BRD4: variants seen among roughly 807,000 people sequenced by gnomAD.
BRD4 encodes bromodomain-containing protein 4.
A neutral mutation model predicts 142.1 loss-of-function variants in BRD4; 16 were observed. The ratio of observed to expected loss-of-function variants is 0.11; its 90% CI spans 0.08 to 0.17. BRD4 has a LOEUF of 0.17. Ranked by LOEUF, BRD4 falls within the 10% of genes least tolerant of loss-of-function variation. The pLI, the probability that BRD4 is intolerant of heterozygous loss-of-function variation, is 1.00. For synonymous variants in BRD4, 833 were observed against 707.5 expected, an observed-to-expected ratio of 1.18 and a Z score of -2.82; for missense variants, 1,424 against 1,810.9, an observed-to-expected ratio of 0.79 and a Z score of 3.88.
intron 7 of BRD4, among the ~76,000 whole-genome samples, chr19:15,260,049 C>T (rs1319219297): frequency 1.3e-5 from 2 of 152,184 alleles, no homozygotes; most frequent in African/African-American, 4.8e-5. Context: ...TCTCTTGAGA[C>T]CCAGCTGAGG....
At chr19:15,276,731 G>C (rs1360667394) in intron 1 of BRD4, among the ~76,000 whole-genome samples, 1 of 152,192 alleles carries the variant, frequency 6.6e-6, no homozygotes. Flanking sequence ...CTCTCACATG[G>C]ATAATGTGGA....
At chr19:15,326,833 A>ACCATAAAC (rs2048112385) in intron 1 of BRD4, among the ~76,000 whole-genome samples, 1 of 152,196 alleles carries the variant, frequency 6.6e-6, no homozygotes, top group Non-Finnish European at 1.5e-5. Flanking sequence ...TTATGCTAGG[A>ACCATAAAC]CATGTGCACG....
intron 1 of BRD4, among the ~76,000 whole-genome samples, chr19:15,294,835 G>C (rs1000542994): frequency 2.6e-5 from 4 of 152,194 alleles, no homozygotes; most frequent in African/African-American, 9.7e-5. Flanking sequence ...CTGGAGCCCT[G>C]TGCAGTGAAG....
intron 1 of BRD4, among the ~76,000 whole-genome samples, chr19:15,331,039 CG>C (rs1474674450): frequency 3.3e-5 from 5 of 152,090 alleles, no homozygotes; most frequent in African/African-American, 1.2e-4. Flanking sequence ...TTCCAATTCT[CG>C]TGAGGCATAC....
At chr19:15,331,451 C>A (rs2048157408) in intron 1 of BRD4, among the ~76,000 whole-genome samples, 1 of 152,206 alleles carries the variant, frequency 6.6e-6, no homozygotes, top group Non-Finnish European at 1.5e-5. Flanking sequence ...TAAAATAGGC[C>A]GTTGCAAGGA....
At chr19:15,331,378 C>T (rs1430235644) in intron 1 of BRD4, among the ~76,000 whole-genome samples, 1 of 152,206 alleles carries the variant, frequency 6.6e-6, no homozygotes, top group East Asian at 1.9e-4. Flanking sequence ...TTCGCTGAAT[C>T]ACAACTCCCC....
chr19:15,289,552 AAAATAAATAAAT>A (rs528874161), intron 1 of BRD4, among the ~76,000 whole-genome samples: 1 of 152,094 alleles, frequency 6.6e-6, no homozygotes, highest in African/African-American at 2.4e-5. Context: ...ACTCCATCTT[AAAATAAATAAAT>A]AAATAAATAA....
intron 1 of BRD4, among the ~76,000 whole-genome samples, chr19:15,314,204 C>G (rs2047997643): frequency 6.6e-6 from 1 of 152,150 alleles, no homozygotes; most frequent in African/African-American, 2.4e-5. Flanking sequence ...CTCCCAAAAC[C>G]CTGCTCACAA....
At chr19:15,325,513 T>A (rs1196574390) in intron 1 of BRD4, among the ~76,000 whole-genome samples, 2 of 152,054 alleles carry the variant, frequency 1.3e-5, no homozygotes, top group Admixed American at 6.6e-5. Flanking sequence ...CACTTCTACT[T>A]CTCACCACAT....
intron 1 of BRD4, among the ~76,000 whole-genome samples, chr19:15,285,331 G>C (rs888053417): frequency 6.6e-6 from 1 of 152,220 alleles, no homozygotes; most frequent in African/African-American, 2.4e-5. Context: ...ATCTGATTAA[G>C]TTCAGGAGTT....
chr19:15,250,774 A>G (rs1283845800), intron 11 of BRD4, among the ~76,000 whole-genome samples: 1 of 152,174 alleles, frequency 6.6e-6, no homozygotes, highest in Admixed American at 6.5e-5. Flanking sequence ...TGACAAGTGA[A>G]AGCTAGAAGA....
intron 11 of BRD4, chr19:15,249,389 G>A: frequency 6.3e-7 from 1 of 1,595,864 alleles, no homozygotes; most frequent in Non-Finnish European, 8.5e-7. Context: ...CCAACCTCCT[G>A]CGCCCTGGTG....
chr19:15,239,015 T>C lies in BRD4; in HGVS notation c.3783-35A>G, dbSNP rs1389868314. 6.3e-7 allele frequency: 1 copy of C among 1,577,454 alleles called. No homozygotes were observed. The highest frequency in any genetic ancestry group is 1.1e-5 in the South Asian group (1 of 88,306). ...GGGTCCCAGTCAGCCTGGGGACTGG[T>C]GTGGCCCCAAGAGTCCCCATGCCCC... is the stretch of plus-strand genomic sequence containing the variant. On this transcript the variant is annotated intron_variant, in intron 18 of 19. Transcript: ENST00000679869. This position sits in a 1 kb window ranked among gnomAD's most constrained non-coding sequence, Gnocchi z 7.4.
chr19:15,263,939 G>A (rs2047502287), intron 6 of BRD4, among the ~76,000 whole-genome samples: 1 of 152,334 alleles, frequency 6.6e-6, no homozygotes, highest in African/African-American at 2.4e-5. Flanking sequence ...ACTCCCAGAA[G>A]AAGAAACACG....
intron 7 of BRD4, chr19:15,257,396 G>A (rs896159241): frequency 1.2e-5 from 7 of 574,206 alleles, no homozygotes; most frequent in African/African-American, 1.1e-4. Flanking sequence ...TGAAGAACAA[G>A]GTGGTCCAGA....
chr19:15,249,176 A>T, intron 11 of BRD4: 3 of 1,584,066 alleles, frequency 1.9e-6, no homozygotes, highest in Non-Finnish European at 2.6e-6. Flanking sequence ...CCATAACTTG[A>T]TGGAGTCCTG....
In BRD4 at chr19:15,256,826, G is replaced by A. The variant is rs1194742195; in HGVS notation, c.1551+138C>T. The A allele has an allele frequency of 2.4e-5, 18 of 737,394 alleles. No individual in the cohort carries two copies. The East Asian group carries it at 4.7e-4, about 19-fold the overall frequency. The allele number at this position is 737,394 out of a possible 1,614,324, so 45.7% of individuals were successfully genotyped here. ...AACATGCATTTGACCTAGCAAAGGG[G>A]AAAAGGCCACAGGTGGTCCAGTGGG... On this transcript the variant is annotated intron_variant, in intron 8 of 19. Coordinates refer to ENST00000679869, the MANE Select transcript of BRD4 (RefSeq NM_001379291.1).
At chr19:15,297,761 C>T (rs574467918) in intron 1 of BRD4, among the ~76,000 whole-genome samples, 2 of 152,266 alleles carry the variant, frequency 1.3e-5, no homozygotes, top group South Asian at 2.1e-4. Flanking sequence ...CTGTATGAAG[C>T]CAGCCTTCGT....
intron 1 of BRD4, among the ~76,000 whole-genome samples, chr19:15,289,148 C>T (rs2047762364): frequency 2.6e-5 from 4 of 152,184 alleles, no homozygotes; most frequent in Admixed American, 2.6e-4. Context: ...ACAACTAGTG[C>T]CCTAAGCCAG....
Sources: gnomAD v4.1 joint callset for allele counts (sites outside exome capture counted in the v4.1 genomes callset) on GRCh38, gnomAD v4.1.1 for gene constraint, Gnocchi (gnomAD v3.1) non-coding constraint, MANE v1.5 for transcripts, NCBI Gene and HGNC (gene_info 2026-07-23, HGNC 2026-07-21) for gene names.